TMEM236: variants seen among roughly 807,000 people sequenced by gnomAD.
The protein encoded by TMEM236 is transmembrane protein 236.
TMEM236 carries 11 observed loss-of-function variants against 14.7 expected under a neutral mutation model. The ratio of observed to expected loss-of-function variants is 0.75; its 90% CI spans 0.47 to 1.24. The LOEUF is 1.24. TMEM236 is among the 50% of genes most tolerant of loss of function. TMEM236 has a pLI of 0.00. For missense variants in TMEM236, 464 were observed against 427.3 expected, an observed-to-expected ratio of 1.09 and a Z score of -0.76; for synonymous variants, 182 against 168.6, an observed-to-expected ratio of 1.08 and a Z score of -0.62.
intron 1 of TMEM236, among the ~76,000 whole-genome samples, chr10:17,768,086 G>GTGTTTTTTTTTTTTTTTTT (rs1837500427): frequency 1.1e-5 from 1 of 92,022 alleles, no homozygotes; most frequent in Admixed American, 1.2e-4. Context: ...AATTTTTGTG[G>GTGTTTTTTTTTTTTTTTTT]TTTTTTTTTT....
intron 1 of TMEM236, among the ~76,000 whole-genome samples, chr10:17,768,707 T>G (rs930224656): frequency 6.7e-6 from 1 of 150,162 alleles, no homozygotes; most frequent in Non-Finnish European, 1.5e-5. Context: ...TAGGTAGTCA[T>G]AGGGCTATGT....
chr10:17,766,350 C>G (rs1223229969), intron 1 of TMEM236, among the ~76,000 whole-genome samples: 1 of 152,182 alleles, frequency 6.6e-6, no homozygotes, highest in African/African-American at 2.4e-5. Context: ...CACCCTTCCT[C>G]CAGTTTCCTA....
At chr10:17,786,952 C>T (rs1259314836) in intron 3 of TMEM236, among the ~76,000 whole-genome samples, 3 of 152,184 alleles carry the variant, frequency 2.0e-5, no homozygotes, top group Admixed American at 6.5e-5. Context: ...TCCGCTTTTG[C>T]ATCTTCTTCA....
Position 17,798,513 on chromosome 10 carries a change from T to G in TMEM236, c.*2009T>G, listed in dbSNP as rs1038389061. Reference sequence around the variant, plus strand: ...ATGATCATGCCACTGCACTCCAGACTGGGCAACAGAGTGACACCCATCTAA... The same window carrying G: ...ATGATCATGCCACTGCACTCCAGACGGGGCAACAGAGTGACACCCATCTAA... On this transcript the variant is annotated 3_prime_UTR_variant, in exon 4 of 4. Coordinates refer to ENST00000377495, the MANE Select transcript of TMEM236 (RefSeq NM_001098844.3). The G allele has an allele frequency of 1.9e-5, 10 of 531,228 alleles. No homozygotes were observed. The highest frequency in any genetic ancestry group is 3.5e-5 in the Non-Finnish European group (9 of 258,714). The allele number at this position is 531,228 out of a possible 1,614,324, so 32.9% of individuals were successfully genotyped here. A position where few individuals can be genotyped will look rare whatever the true frequency, so the allele number is the denominator to read the frequency against.
At position 17,794,644 on chromosome 10, in the gene TMEM236, A is replaced by G. The variant is rs895611172; in HGVS notation, c.473-1277A>G. 1.2e-3 allele frequency among the ~76,000 whole-genome samples: 184 copies of G among 152,314 alleles called. 1 individual carries two copies. Among genetic ancestry groups the G allele is most frequent in the African/African-American group, 4.2e-3 (173 of 41,566 alleles). ...GCCACAGAAGAGATGCTTTAGGTTA[A>G]CCAATCCTAACGATCACTTCTAGAA... On this transcript the variant is annotated intron_variant, in intron 3 of 3. Transcript: ENST00000377495.
intron 1 of TMEM236, among the ~76,000 whole-genome samples, chr10:17,769,816 CTAT>C (rs1837538434): frequency 6.6e-6 from 1 of 152,076 alleles, no homozygotes; most frequent in Non-Finnish European, 1.5e-5. Context: ...AAATTGTTCT[CTAT>C]TATTTTATTC....
chr10:17,764,677 T>C (rs1294052193), intron 1 of TMEM236, among the ~76,000 whole-genome samples: 1 of 152,086 alleles, frequency 6.6e-6, no homozygotes, highest in African/African-American at 2.4e-5. Context: ...TAAGGAAGGC[T>C]CTGTGCCTCT....
chr10:17,791,358 T>G (rs1837921842), intron 3 of TMEM236, among the ~76,000 whole-genome samples: 1 of 151,860 alleles, frequency 6.6e-6, no homozygotes, highest in African/African-American at 2.4e-5. Context: ...TTTGGGAGGC[T>G]GAGGCAGGAG....
chr10:17,778,982 G>C (rs990956715), intron 3 of TMEM236, among the ~76,000 whole-genome samples: 2 of 152,176 alleles, frequency 1.3e-5, no homozygotes, highest in African/African-American at 4.8e-5. Context: ...TGGAGGTAGA[G>C]CAGTGCATGG....
At chr10:17,766,396 G>T (rs1296631607) in intron 1 of TMEM236, among the ~76,000 whole-genome samples, 3 of 152,090 alleles carry the variant, frequency 2.0e-5, no homozygotes, top group Non-Finnish European at 4.4e-5. Flanking sequence ...AACCTCACCA[G>T]AAGCACCTTA....
chr10:17,766,379 C>G (rs1295363834), intron 1 of TMEM236, among the ~76,000 whole-genome samples: 3 of 152,102 alleles, frequency 2.0e-5, no homozygotes, highest in Non-Finnish European at 4.4e-5. Flanking sequence ...TCCTCATTTC[C>G]ATCTTAAACC....
intron 3 of TMEM236, among the ~76,000 whole-genome samples, chr10:17,776,685 A>C (rs1837662784): frequency 6.6e-6 from 1 of 152,182 alleles, no homozygotes; most frequent in African/African-American, 2.4e-5. Context: ...CTGTAATCCC[A>C]GCATTTTTGG....
intron 3 of TMEM236, among the ~76,000 whole-genome samples, chr10:17,784,991 C>G (rs916629847): frequency 2.6e-5 from 4 of 152,116 alleles, no homozygotes; most frequent in African/African-American, 9.7e-5. Flanking sequence ...GCTCAGAAAT[C>G]TGGGCCTTGC....
intron 1 of TMEM236, among the ~76,000 whole-genome samples, chr10:17,760,345 A>AT (rs34005905): frequency 0.23 from 33,074 of 145,898 alleles, 3,684 homozygotes; most frequent in East Asian, 0.43. Context: ...TGGTATGTCC[A>AT]TTTTTTTTTT....
At chr10:17,754,600 T>A (rs1837256557) in intron 1 of TMEM236, among the ~76,000 whole-genome samples, 2 of 152,214 alleles carry the variant, frequency 1.3e-5, no homozygotes. Context: ...GTGCTGAGAT[T>A]ACAGGCGTGA....
At chr10:17,781,962 C>T (rs1837758836) in intron 3 of TMEM236, among the ~76,000 whole-genome samples, 1 of 152,104 alleles carries the variant, frequency 6.6e-6, no homozygotes, top group African/African-American at 2.4e-5. Context: ...ATTGTAACCG[C>T]ACCTGTTTCT....
At chr10:17,769,175 C>G (rs1294154085) in intron 1 of TMEM236, among the ~76,000 whole-genome samples, 3 of 152,158 alleles carry the variant, frequency 2.0e-5, no homozygotes, top group Non-Finnish European at 4.4e-5. Context: ...ATAGAACCAC[C>G]AACAGGAAAC....
At chr10:17,779,186 G>C (rs1048091971) in intron 3 of TMEM236, among the ~76,000 whole-genome samples, 12 of 152,132 alleles carry the variant, frequency 7.9e-5, no homozygotes, top group African/African-American at 2.9e-4. Flanking sequence ...CGCTCATTTA[G>C]CATTGCAACC....
chr10:17,756,284 C>T (rs1448613509), intron 1 of TMEM236, among the ~76,000 whole-genome samples: 1 of 151,604 alleles, frequency 6.6e-6, no homozygotes, highest in Non-Finnish European at 1.5e-5. Context: ...GAAATATCTA[C>T]TTCACCTCAT....
Sources: allele counts gnomAD v4.1 joint callset (sites outside exome capture counted in the v4.1 genomes callset), GRCh38; gene constraint gnomAD v4.1.1; transcripts MANE v1.5; gene names NCBI Gene and HGNC (gene_info 2026-07-23, HGNC 2026-07-21).